The following DRC10 variants were observed in gnomAD, a reference collection of about 807,000 sequenced individuals.
DRC10 encodes dynein regulatory complex subunit 10.
At chr12:113,205,902 CA>C in the DRC10 span, among the ~76,000 whole-genome samples, 1,629 of 48,024 alleles carry the variant, frequency 0.034, 19 homozygotes, top group East Asian at 0.19. Context: ...GACTCCGTCT[CA>C]AAAAAAAAAA....
chr12:113,208,076 C>T, the DRC10 span: 36 of 1,614,102 alleles, frequency 2.2e-5, no homozygotes, highest in Non-Finnish European at 2.6e-5. Context: ...AGTGGATCAG[C>T]TGGCCTTTTA....
chr12:113,203,406 T>C, the DRC10 span, among the ~76,000 whole-genome samples: 2 of 152,192 alleles, frequency 1.3e-5, no homozygotes, highest in South Asian at 2.1e-4. Flanking sequence ...GAGGATCCCT[T>C]GAAGCTAGGA....
chr12:113,200,871 G>A, the DRC10 span: 2 of 1,317,148 alleles, frequency 1.5e-6, no homozygotes, highest in Admixed American at 2.5e-5. Context: ...GGGCACAGTG[G>A]CTCACGCCTG....
chr12:113,218,430 C>T, the DRC10 span, among the ~76,000 whole-genome samples: 1 of 152,088 alleles, frequency 6.6e-6, no homozygotes, highest in East Asian at 1.9e-4. Context: ...CAGGCGTGAG[C>T]CACCGTGCCC....
the DRC10 span, among the ~76,000 whole-genome samples, chr12:113,214,581 A>AACC: frequency 3.3e-5 from 5 of 152,088 alleles, no homozygotes; most frequent in Non-Finnish European, 7.4e-5. Flanking sequence ...TGAGATGGCA[A>AACC]ACCCAGATTT....
chr12:113,197,114 G>A, the DRC10 span, among the ~76,000 whole-genome samples: 2 of 151,760 alleles, frequency 1.3e-5, no homozygotes, highest in African/African-American at 4.8e-5. Context: ...ATCCAGAGGA[G>A]TATGGGATGT....
the DRC10 span, chr12:113,195,699 G>A: frequency 6.2e-7 from 1 of 1,613,676 alleles, no homozygotes; most frequent in Non-Finnish European, 8.5e-7. Context: ...CTTCCATAGG[G>A]CCTGGATGAG....
At chr12:113,204,709 C>T in the DRC10 span, among the ~76,000 whole-genome samples, 1 of 152,112 alleles carries the variant, frequency 6.6e-6, no homozygotes, top group African/African-American at 2.4e-5. Flanking sequence ...GGGAGGATCA[C>T]TTGAGACCAG....
At chr12:113,196,695 C>CCTCCAGTGCT in the DRC10 span, among the ~76,000 whole-genome samples, 3 of 152,230 alleles carry the variant, frequency 2.0e-5, no homozygotes, top group African/African-American at 7.2e-5. Flanking sequence ...GCGCATATTA[C>CCTCCAGTGCT]CTCCAGTGCT....
At chr12:113,205,070 G>A in the DRC10 span, among the ~76,000 whole-genome samples, 1 of 151,912 alleles carries the variant, frequency 6.6e-6, no homozygotes, top group Non-Finnish European at 1.5e-5. Context: ...CACTCCCTTT[G>A]AGAAGTACAT....
the DRC10 span, among the ~76,000 whole-genome samples, chr12:113,216,604 T>C: frequency 6.6e-6 from 1 of 151,912 alleles, no homozygotes; most frequent in Admixed American, 6.6e-5. Flanking sequence ...GTGGGGGAGG[T>C]TGACGGTGGG....
At chr12:113,216,369 G>A in the DRC10 span, among the ~76,000 whole-genome samples, 1 of 152,214 alleles carries the variant, frequency 6.6e-6, no homozygotes, top group South Asian at 2.1e-4. Context: ...TCTAAGGGCT[G>A]GGGGAAGGGA....
At chr12:113,202,417 C>T in the DRC10 span, among the ~76,000 whole-genome samples, 14,970 of 152,220 alleles carry the variant, frequency 0.098, 789 homozygotes, top group African/African-American at 0.13. Flanking sequence ...GGGCCTTGAA[C>T]CTTTCATCAG....
the DRC10 span, among the ~76,000 whole-genome samples, chr12:113,219,721 G>A: frequency 6.6e-6 from 1 of 152,112 alleles, no homozygotes; most frequent in Admixed American, 6.5e-5. Flanking sequence ...CGCCCAGGCT[G>A]GAGTGCAGTA....
the DRC10 span, chr12:113,197,398 TAAAC>T: frequency 1.6e-6 from 1 of 625,722 alleles, no homozygotes; most frequent in South Asian, 1.9e-5. Context: ...ACAAACCCTT[TAAAC>T]AAAGGGAAGT....
chr12:113,205,055 TGTAACAC>T, the DRC10 span, among the ~76,000 whole-genome samples: 1 of 152,162 alleles, frequency 6.6e-6, no homozygotes, highest in African/African-American at 2.4e-5. Context: ...TAAGTTCTCC[TGTAACAC>T]TCCCTTTGAG....
the DRC10 span, among the ~76,000 whole-genome samples, chr12:113,220,352 T>G: frequency 6.6e-6 from 1 of 152,040 alleles, no homozygotes; most frequent in Non-Finnish European, 1.5e-5. Flanking sequence ...GTCTCCCGGG[T>G]TCAAGTGATT....
chr12:113,208,453 G>T, the DRC10 span: 1 of 818,428 alleles, frequency 1.2e-6, no homozygotes. Context: ...GACCAAGTGT[G>T]GAGGCATCTC....
chr12:113,197,119 G>T, the DRC10 span, among the ~76,000 whole-genome samples: 1 of 152,022 alleles, frequency 6.6e-6, no homozygotes, highest in Non-Finnish European at 1.5e-5. Context: ...GAGGAGTATG[G>T]GATGTGGACA....
Sources: gnomAD v4.1 joint callset for allele counts (sites outside exome capture counted in the v4.1 genomes callset) on GRCh38, gnomAD v4.1.1 for gene constraint, MANE v1.5 for transcripts, NCBI Gene and HGNC (gene_info 2026-07-23, HGNC 2026-07-21) for gene names.